The following DAW1 variants were observed in gnomAD, a reference collection of about 807,000 sequenced individuals.
DAW1 encodes dynein assembly factor with WD repeat domains 1.
A neutral mutation model predicts 56.5 loss-of-function variants in DAW1; 47 were observed. The observed-to-expected ratio is 0.83, with a 90% CI of 0.66 to 1.06. The LOEUF is 1.06. Among genes scored for constraint, DAW1 ranks in the 50% least tolerant of loss-of-function variants. DAW1 has a pLI of 0.00. For missense variants in DAW1, 505 were observed against 499.3 expected, an observed-to-expected ratio of 1.01 and a Z score of -0.11; for synonymous variants, 190 against 179.0, an observed-to-expected ratio of 1.06 and a Z score of -0.49.
chr2:227,889,093 A>AT (rs1381403236), intron 2 of DAW1, among the ~76,000 whole-genome samples: 1 of 152,190 alleles, frequency 6.6e-6, no homozygotes, highest in African/African-American at 2.4e-5. Flanking sequence ...ATAAGAGAAC[A>AT]TATGTAAAGT....
intron 11 of DAW1, among the ~76,000 whole-genome samples, chr2:227,919,919 T>G (rs1182364083): frequency 6.6e-6 from 1 of 152,212 alleles, no homozygotes; most frequent in African/African-American, 2.4e-5. Context: ...GCCTTTCTGC[T>G]TCTGCACCTA....
chr2:227,900,334 A>G (rs1187665596), intron 6 of DAW1, among the ~76,000 whole-genome samples: 1 of 152,190 alleles, frequency 6.6e-6, no homozygotes, highest in Non-Finnish European at 1.5e-5. Flanking sequence ...CTAGGGAGAC[A>G]TTCATCTTTT....
At chr2:227,900,154 G>C (rs1238676356) in intron 6 of DAW1, among the ~76,000 whole-genome samples, 1 of 152,144 alleles carries the variant, frequency 6.6e-6, no homozygotes, top group Non-Finnish European at 1.5e-5. Flanking sequence ...GTGCCTCATA[G>C]CAACCCTAAG....
chr2:227,904,811 T>A lies in DAW1; in HGVS notation c.649-118T>A, dbSNP rs111315414. The A allele has an allele frequency of 5.4e-5, 48 of 884,042 alleles. No homozygotes were observed. In the African/African-American group the frequency reaches 5.8e-4, roughly 11 times the overall value. The allele number at this position is 884,042 out of a possible 1,614,324, so 54.8% of individuals were successfully genotyped here. A position where few individuals can be genotyped will look rare whatever the true frequency, so the allele number is the denominator to read the frequency against. On this transcript the variant is annotated intron_variant, in intron 7 of 12. Transcript: ENST00000309931. Reference sequence around the variant, plus strand: ...CCCCATCCTCACCCCAGCCAACCGCTGACCTCCGTTCCTAGAGCTCGGCCT... The same window carrying A: ...CCCCATCCTCACCCCAGCCAACCGCAGACCTCCGTTCCTAGAGCTCGGCCT...
intron 10 of DAW1, among the ~76,000 whole-genome samples, chr2:227,911,265 T>TAA (rs1691812953): frequency 6.8e-6 from 1 of 147,490 alleles, no homozygotes; most frequent in Non-Finnish European, 1.5e-5. Context: ...CACGTGTATA[T>TAA]ACACATATAC....
At chr2:227,904,381 T>C (rs1171298700) in intron 7 of DAW1, among the ~76,000 whole-genome samples, 1 of 152,196 alleles carries the variant, frequency 6.6e-6, no homozygotes, top group African/African-American at 2.4e-5. Context: ...TTTCTTCCCA[T>C]TATCTTACAG....
intron 11 of DAW1, among the ~76,000 whole-genome samples, chr2:227,920,703 G>A (rs550484977): frequency 9.8e-4 from 149 of 151,726 alleles, no homozygotes; most frequent in African/African-American, 3.4e-3. Context: ...TTGAGATGGA[G>A]TCTTGCTCTG....
intron 10 of DAW1, among the ~76,000 whole-genome samples, chr2:227,917,142 ATCTG>A (rs58001363): frequency 0.21 from 29,046 of 138,320 alleles, 2,950 homozygotes; most frequent in Middle Eastern, 0.24. Flanking sequence ...CTATCTATCT[ATCTG>A]TCTGTCTGTC....
At chr2:227,913,743 A>G (rs1261342576) in intron 10 of DAW1, among the ~76,000 whole-genome samples, 3 of 152,180 alleles carry the variant, frequency 2.0e-5, no homozygotes, top group African/African-American at 7.2e-5. Context: ...TACACCACAT[A>G]TATCCCTGTA....
rs554867063 is a variant in DAW1, at chr2:227,924,098, T to C, written c.*130T>C. On this transcript the variant is annotated 3_prime_UTR_variant, in exon 13 of 13. Coordinates refer to ENST00000309931, the MANE Select transcript of DAW1 (RefSeq NM_178821.3). ...TGCAAGTCAACTATTTCTACAACTG[T>C]CCTTCATTTCACAGATATGACCATT... The C allele has an allele frequency of 8.3e-5, 90 of 1,085,756 alleles. No individual in the cohort carries two copies. Among genetic ancestry groups the C allele is most frequent in the Non-Finnish European group, 1.0e-4 (76 of 731,730 alleles). The allele number at this position is 1,085,756 out of a possible 1,614,324, so 67.3% of individuals were successfully genotyped here.
chr2:227,892,656 G>C (rs1691292422), intron 4 of DAW1, among the ~76,000 whole-genome samples: 1 of 152,144 alleles, frequency 6.6e-6, no homozygotes, highest in Admixed American at 6.5e-5. Flanking sequence ...AAAATACCTA[G>C]GAGAGAATCA....
intron 10 of DAW1, among the ~76,000 whole-genome samples, chr2:227,918,175 C>CCATCATCCATCCATCCATCCATCCAT (rs780205259): frequency 0.072 from 3,447 of 48,140 alleles, 78 homozygotes; most frequent in East Asian, 0.14. Flanking sequence ...CATCCATCAT[C>CCATCATCCATCCATCCATCCATCCAT]CATCCATCCA....
chr2:227,916,092 T>C (rs754811250), intron 10 of DAW1, among the ~76,000 whole-genome samples: 3 of 152,142 alleles, frequency 2.0e-5, no homozygotes, highest in Admixed American at 6.6e-5. Flanking sequence ...TGATGCAACA[T>C]TATGTCTTCA....
intron 10 of DAW1, among the ~76,000 whole-genome samples, chr2:227,909,504 CATATTT>C (rs1691769222): frequency 6.6e-6 from 1 of 151,434 alleles, no homozygotes; most frequent in African/African-American, 2.4e-5. Context: ...TACACACACA[CATATTT>C]ATATATGAAG....
chr2:227,908,840 C>A (rs975179619), intron 10 of DAW1, among the ~76,000 whole-genome samples: 1 of 152,176 alleles, frequency 6.6e-6, no homozygotes, highest in African/African-American at 2.4e-5. Context: ...TGATGCTATT[C>A]TGTGAGGCAT....
In DAW1 at chr2:227,891,327, T is replaced by C; in HGVS notation, c.317+14T>C. 1.2e-6 allele frequency: 2 copies of C among 1,610,260 alleles called. No individual in the cohort carries two copies. The highest frequency in any genetic ancestry group is 1.7e-6 in the Non-Finnish European group (2 of 1,177,058). ...ATCGGGCTCATGGTAAGATTCTCTT[T>C]TTATGTCTAATTTTTAGCAGTGAAA... is the stretch of plus-strand genomic sequence containing the variant. On this transcript the variant is annotated intron_variant, in intron 4 of 12. Transcript: ENST00000309931.
chr2:227,912,364 T>C, intron 10 of DAW1: 1 of 1,304,666 alleles, frequency 7.7e-7, no homozygotes, highest in African/African-American at 1.5e-5. Flanking sequence ...GCCCGAGTTA[T>C]GTCACGTTCT....
intron 10 of DAW1, among the ~76,000 whole-genome samples, chr2:227,912,733 A>G (rs1243782162): frequency 6.6e-6 from 1 of 152,132 alleles, no homozygotes; most frequent in African/African-American, 2.4e-5. Flanking sequence ...GTAGGATGGC[A>G]TATTCTGGGT....
At chr2:227,898,138 A>G in intron 5 of DAW1, 44 bp from the exon 6 acceptor site, 1 of 1,355,996 alleles carries the variant, frequency 7.4e-7, no homozygotes, top group Non-Finnish European at 1.0e-6. Context: ...TTTATTATAT[A>G]ATGTGTCTTT....
Sources: allele counts gnomAD v4.1 joint callset (sites outside exome capture counted in the v4.1 genomes callset), GRCh38; gene constraint gnomAD v4.1.1; transcripts MANE v1.5; gene names NCBI Gene and HGNC (gene_info 2026-07-23, HGNC 2026-07-21).